The following TOX variants were observed in gnomAD, a reference collection of about 807,000 sequenced individuals.
TOX encodes thymocyte selection associated high mobility group box, also known as thymocyte selection-associated high mobility group box protein TOX.
In TOX, 11 loss-of-function variants were observed where a neutral mutation model predicts 53.7. The ratio of observed to expected loss-of-function variants is 0.20; its 90% CI spans 0.13 to 0.34. The LOEUF is 0.34. Ranked by LOEUF, TOX falls within the 10% of genes least tolerant of loss-of-function variation. The pLI, the probability that TOX is intolerant of heterozygous loss-of-function variation, is 1.00. For missense variants in TOX, 570 were observed against 664.6 expected, an observed-to-expected ratio of 0.86 and a Z score of 1.56; for synonymous variants, 225 against 245.3, an observed-to-expected ratio of 0.92 and a Z score of 0.77.
chr8:59,102,550 A>G (rs1804825069), intron 1 of TOX, among the ~76,000 whole-genome samples: 1 of 152,186 alleles, frequency 6.6e-6, no homozygotes, highest in South Asian at 2.1e-4. Context: ...TTTTAAAACC[A>G]TCAGAACTCG....
chr8:58,994,307 C>T (rs1435606508), intron 1 of TOX, among the ~76,000 whole-genome samples: 3 of 151,648 alleles, frequency 2.0e-5, no homozygotes, highest in Non-Finnish European at 4.4e-5. Flanking sequence ...ATGAGAATGA[C>T]TAGAACACAC....
In TOX at chr8:58,953,124, A is replaced by G. The variant is rs1187105412; in HGVS notation, c.168+6819T>C. ...GAGTCAATACCCAACTAAAATAATA[A>G]TAATAAATAATAATAATAAAGGCTG... On this transcript the variant is annotated intron_variant, in intron 2 of 8. Transcript: ENST00000361421. Among the ~76,000 whole-genome samples the G allele has an allele frequency of 4.6e-5, 7 of 152,072 alleles. No individual in the cohort carries two copies. In the South Asian group the frequency reaches 1.2e-3, roughly 27 times the overall value.
intron 1 of TOX, among the ~76,000 whole-genome samples, chr8:59,045,713 A>G (rs1304028903): frequency 6.6e-6 from 1 of 152,216 alleles, no homozygotes; most frequent in Non-Finnish European, 1.5e-5. Flanking sequence ...CCTGTGCTTC[A>G]TTCTACTCCT....
At position 59,019,836 on chromosome 8, in the gene TOX, T is replaced by C. The variant is rs150410676; in HGVS notation, c.103-59828A>G. Among the ~76,000 whole-genome samples, 4 of 152,340 alleles carry C rather than the reference T, an allele frequency of 2.6e-5. No individual in the cohort carries two copies. In the East Asian group the frequency reaches 7.7e-4, roughly 29 times the overall value. On this transcript the variant is annotated intron_variant, in intron 1 of 8. Coordinates refer to ENST00000361421, the MANE Select transcript of TOX (RefSeq NM_014729.3). ...TTCACTCGGTGAGCAGTGTATTTCA[T>C]ATATTCTACAATTCGGCCATGTAAC...
At chr8:58,963,343 G>A (rs202243288) in intron 1 of TOX, among the ~76,000 whole-genome samples, 235 of 110,274 alleles carry the variant, frequency 2.1e-3, no homozygotes, top group Admixed American at 3.7e-3. Context: ...AGATAGATAG[G>A]TAGATAGATA....
chr8:59,007,804 A>G (rs1165067965), intron 1 of TOX, among the ~76,000 whole-genome samples: 1 of 152,258 alleles, frequency 6.6e-6, no homozygotes, highest in African/African-American at 2.4e-5. Context: ...TAAACTACAC[A>G]GGTAATATTA....
intron 1 of TOX, among the ~76,000 whole-genome samples, chr8:58,980,439 T>C (rs1813182161): frequency 6.6e-6 from 1 of 152,236 alleles, no homozygotes; most frequent in Admixed American, 6.5e-5. Context: ...ACTCTTCTGT[T>C]TACACAGTGT....
chr8:58,867,469 C>G (rs945974343), intron 3 of TOX, among the ~76,000 whole-genome samples: 3 of 152,174 alleles, frequency 2.0e-5, no homozygotes, highest in African/African-American at 7.2e-5. Context: ...TTCAGTCTCC[C>G]TCGAGGGCAG....
intron 6 of TOX, among the ~76,000 whole-genome samples, chr8:58,823,754 T>C (rs374374387): frequency 6.6e-6 from 1 of 152,156 alleles, no homozygotes; most frequent in Non-Finnish European, 1.5e-5. Context: ...GTGTCCGACA[T>C]AGAACAAGTG....
chr8:59,032,272 C>G (rs563075095), intron 1 of TOX, among the ~76,000 whole-genome samples: 5 of 152,166 alleles, frequency 3.3e-5, no homozygotes, highest in Non-Finnish European at 7.4e-5. Flanking sequence ...AGTTCTCTTA[C>G]GGCCACTTTA....
At chr8:58,928,480 C>T (rs544004250) in intron 3 of TOX, among the ~76,000 whole-genome samples, 3 of 152,232 alleles carry the variant, frequency 2.0e-5, no homozygotes, top group South Asian at 2.1e-4. Flanking sequence ...CCCAGACACA[C>T]AAACCTAATC....
chr8:58,933,423 T>G (rs550643921), intron 3 of TOX, among the ~76,000 whole-genome samples: 1 of 152,284 alleles, frequency 6.6e-6, no homozygotes, highest in African/African-American at 2.4e-5. Flanking sequence ...TCTGCTAAAA[T>G]AGTTCCGTAG....
intron 1 of TOX, among the ~76,000 whole-genome samples, chr8:59,006,232 G>A (rs193025183): frequency 2.0e-5 from 3 of 152,286 alleles, no homozygotes; most frequent in Admixed American, 6.5e-5. Context: ...CTAAGCCTGT[G>A]GTCTTTGCAC....
At chr8:58,895,703 G>C (rs1221894242) in intron 3 of TOX, among the ~76,000 whole-genome samples, 1 of 152,166 alleles carries the variant, frequency 6.6e-6, no homozygotes, top group Admixed American at 6.5e-5. Context: ...ATCCTATGCT[G>C]GAAGATGCCA....
At chr8:58,858,337 C>T (rs1406265255) in intron 3 of TOX, among the ~76,000 whole-genome samples, 1 of 152,228 alleles carries the variant, frequency 6.6e-6, no homozygotes, top group African/African-American at 2.4e-5. Context: ...CAAGTATCTG[C>T]ATCCTTCCCC....
intron 1 of TOX, among the ~76,000 whole-genome samples, chr8:59,079,592 A>C (rs959726876): frequency 2.0e-5 from 3 of 152,222 alleles, no homozygotes; most frequent in African/African-American, 7.2e-5. Context: ...ACAGAGTGCA[A>C]GAGTGAATGA....
intron 1 of TOX, among the ~76,000 whole-genome samples, chr8:59,040,607 A>T (rs1803562723): frequency 6.6e-6 from 1 of 152,230 alleles, no homozygotes; most frequent in African/African-American, 2.4e-5. Context: ...TCACAGAGGG[A>T]TCAACCTCAT....
At chr8:59,024,114 T>C (rs934578578) in intron 1 of TOX, among the ~76,000 whole-genome samples, 2 of 152,218 alleles carry the variant, frequency 1.3e-5, no homozygotes. Context: ...TCTTTCTCTC[T>C]CTCGCACTGG....
intron 1 of TOX, among the ~76,000 whole-genome samples, chr8:59,099,207 G>GA (rs1239256871): frequency 6.6e-6 from 1 of 152,106 alleles, no homozygotes; most frequent in Non-Finnish European, 1.5e-5. Context: ...TCTTGGGCTG[G>GA]AAAAAATCTT....
Sources: gnomAD v4.1 joint callset for allele counts (sites outside exome capture counted in the v4.1 genomes callset) on GRCh38, gnomAD v4.1.1 for gene constraint, MANE v1.5 for transcripts, NCBI Gene and HGNC (gene_info 2026-07-23, HGNC 2026-07-21) for gene names.